TNIP3: variants seen among roughly 807,000 people sequenced by gnomAD.
TNIP3 encodes the protein TNFAIP3-interacting protein 3.
TNIP3 carries 34 observed loss-of-function variants against 54.1 expected under a neutral mutation model. The ratio of observed to expected loss-of-function variants is 0.63; its 90% CI spans 0.48 to 0.84. The LOEUF (loss-of-function observed/expected upper bound fraction) is 0.84. Among genes scored for constraint, TNIP3 ranks in the 40% least tolerant of loss-of-function variants. The probability of loss-of-function intolerance (pLI) is 0.00; values close to 1 mark genes in which losing one functional copy is unlikely to be tolerated. For synonymous variants in TNIP3, 134 were observed against 136.8 expected (o/e 0.98, Z 0.14); for missense variants, 366 against 387.6 (o/e 0.94, Z 0.47).
rs141505133 is a variant in TNIP3 at position 121,156,235 on chromosome 4, A to G, written c.363+859T>C. ...TTTAAAATATTGCCATTGCCTCACG[A>G]TATCAGTGATAAGATTTCCCCTCAG... On this transcript the variant is annotated intron_variant, in intron 4 of 10. Coordinates refer to ENST00000057513, the MANE Select transcript of TNIP3 (RefSeq NM_024873.6). Among the ~76,000 whole-genome samples the G allele has an allele frequency of 4.4e-4, 67 of 152,336 alleles. 1 individual carries two copies. Among genetic ancestry groups the G allele is most frequent in the African/African-American group, 1.3e-3 (56 of 41,578 alleles).
intron 2 of TNIP3, among the ~76,000 whole-genome samples, chr4:121,187,278 A>G (rs1246309847): frequency 6.6e-6 from 1 of 152,232 alleles, no homozygotes; most frequent in Admixed American, 6.5e-5. Context: ...GTGGGTACAT[A>G]GTTGTTCCCA....
chr4:121,140,561 G>T (rs1729056451), intron 9 of TNIP3, among the ~76,000 whole-genome samples: 1 of 152,132 alleles, frequency 6.6e-6, no homozygotes. Context: ...CTAGGTAAAT[G>T]TGAATGACTG....
chr4:121,156,793 C>G (rs1432235382), intron 4 of TNIP3, among the ~76,000 whole-genome samples: 1 of 152,064 alleles, frequency 6.6e-6, no homozygotes, highest in Admixed American at 6.5e-5. Flanking sequence ...CTGAAATGCC[C>G]TAGAGAGTTA....
upstream of TNIP3, among the ~76,000 whole-genome samples, chr4:121,167,552 C>T (rs991444676): frequency 1.3e-5 from 2 of 152,074 alleles, no homozygotes; most frequent in African/African-American, 4.8e-5. Context: ...GAGTAGGGTC[C>T]GTGTGGTATT....
chr4:121,169,114 A>C (rs1187043282), upstream of TNIP3, among the ~76,000 whole-genome samples: 1 of 152,112 alleles, frequency 6.6e-6, no homozygotes, highest in Non-Finnish European at 1.5e-5. Flanking sequence ...TCCACTGCTC[A>C]GAACCTTTCA....
intron 2 of TNIP3, among the ~76,000 whole-genome samples, chr4:121,202,794 A>G (rs1725965190): frequency 6.6e-6 from 1 of 152,182 alleles, no homozygotes; most frequent in Non-Finnish European, 1.5e-5. Flanking sequence ...TCCCAAAAGA[A>G]GATATAAAAA....
intron 2 of TNIP3, among the ~76,000 whole-genome samples, chr4:121,200,639 GCAAA>G (rs10531225): frequency 0.3 from 45,051 of 151,826 alleles, 8,392 homozygotes; most frequent in East Asian, 0.63. Context: ...GAGAACTGTT[GCAAA>G]CACTTAATGC....
At chr4:121,219,660 T>G (rs1726950674), upstream of TNIP3, among the ~76,000 whole-genome samples, 1 of 152,198 alleles carries the variant, frequency 6.6e-6, no homozygotes, top group South Asian at 2.1e-4. Flanking sequence ...TACTCAAAGT[T>G]TACTCACATA....
chr4:121,144,175 T>A lies in TNIP3; in HGVS notation c.736-1399A>T, dbSNP rs551410518. Among the ~76,000 whole-genome samples the A allele has an allele frequency of 2.0e-5, 3 of 152,274 alleles. No individual in the cohort carries two copies. In the East Asian group the frequency reaches 5.8e-4, roughly 29 times the overall value. On this transcript the variant is annotated intron_variant, in intron 7 of 10. Coordinates refer to ENST00000057513, the MANE Select transcript of TNIP3 (RefSeq NM_024873.6). ...CATGTCTCTTTTACTATATTGTGAG[T>A]TATTTACTAGCAAGAACCAGTTTTC...
At chr4:121,182,322 G>T (rs1232149536) in intron 3 of TNIP3, among the ~76,000 whole-genome samples, 2 of 152,168 alleles carry the variant, frequency 1.3e-5, no homozygotes, top group Non-Finnish European at 2.9e-5. Flanking sequence ...TCATCGACAT[G>T]AGTTGTGCTG....
At chr4:121,184,451 G>A (rs1339324853) in intron 2 of TNIP3, among the ~76,000 whole-genome samples, 1 of 152,150 alleles carries the variant, frequency 6.6e-6, no homozygotes, top group Non-Finnish European at 1.5e-5. Flanking sequence ...ATTGATCCCA[G>A]TTTGGCCAGT....
chr4:121,213,763 A>G lies in TNIP3; in HGVS notation c.68+2652T>C, dbSNP rs548854217. ...AAACAAAAAAAGACATTCTTCTTACAATATTACCACAGGAAAGCATCTGCT... is the reference window on the plus strand; with the variant it reads ...AAACAAAAAAAGACATTCTTCTTACGATATTACCACAGGAAAGCATCTGCT... On this transcript the variant is annotated intron_variant, in intron 2 of 12. Coordinates refer to the TNIP3 transcript ENST00000507879. Among the ~76,000 whole-genome samples the G allele has an allele frequency of 6.6e-5, 10 of 151,998 alleles. No individual in the cohort carries two copies. The South Asian group carries it at 1.9e-3, about 28-fold the overall frequency.
chr4:121,157,062 C>A, intron 4 of TNIP3, 32 bp downstream of exon 4: 2 of 1,611,570 alleles, frequency 1.2e-6, no homozygotes, highest in South Asian at 1.1e-5. Flanking sequence ...TTATTTGGAT[C>A]CTCCGGGCTC....
intron 2 of TNIP3, among the ~76,000 whole-genome samples, chr4:121,189,412 G>T (rs530809697): frequency 3.9e-5 from 6 of 152,298 alleles, no homozygotes; most frequent in Non-Finnish European, 7.4e-5. Context: ...AGGAATCTGG[G>T]TGACCCAGAA....
chr4:121,194,859 A>AAC (rs35965824), intron 2 of TNIP3, among the ~76,000 whole-genome samples: 6,199 of 151,568 alleles, frequency 0.041, 413 homozygotes, highest in African/African-American at 0.14. Context: ...GAAAAAAAAA[A>AAC]GTACACACAC....
chr4:121,147,127 C>T lies in TNIP3; in HGVS notation c.657G>A (p.Glu219=), dbSNP rs2148802444. The T allele has an allele frequency of 6.2e-7, 1 of 1,613,254 alleles. No homozygotes were observed. The highest frequency in any genetic ancestry group is 8.5e-7 in the Non-Finnish European group (1 of 1,179,572). ...GCTCCTCTTTCTCTTGATTAAGTCT[C>T]TCTCGATCCGATCGTTCCTTTTTGA... is the stretch of plus-strand genomic sequence containing the variant. ...EDFKKERSDR[E]RLNQEKEELQ... The change falls in exon 7 of 11, where the codon GAG becomes GAA. Residue 219 remains glutamate (E), a synonymous_variant. Transcript: ENST00000057513.
At chr4:121,165,454 T>C (rs1730709151), upstream of TNIP3, among the ~76,000 whole-genome samples, 1 of 152,092 alleles carries the variant, frequency 6.6e-6, no homozygotes, top group Admixed American at 6.6e-5. Flanking sequence ...TCTGATCTTC[T>C]CTTGACTTCC....
chr4:121,149,168 C>T (rs1729594409), intron 6 of TNIP3, among the ~76,000 whole-genome samples: 1 of 152,146 alleles, frequency 6.6e-6, no homozygotes, highest in Non-Finnish European at 1.5e-5. Flanking sequence ...CCCTATGCTG[C>T]CAATAGATAC....
intron 3 of TNIP3, among the ~76,000 whole-genome samples, chr4:121,173,340 G>C (rs1724088422): frequency 6.6e-6 from 1 of 152,104 alleles, no homozygotes; most frequent in African/African-American, 2.4e-5. Flanking sequence ...TTCCCACCAT[G>C]GCATGCCTAG....
Sources: allele counts gnomAD v4.1 joint callset (sites outside exome capture counted in the v4.1 genomes callset), GRCh38; gene constraint gnomAD v4.1.1; transcripts MANE v1.5; gene names NCBI Gene and HGNC (gene_info 2026-07-23, HGNC 2026-07-21).